Variants in TENM1 observed in about 807,000 individuals in gnomAD.
The protein encoded by TENM1 is teneurin transmembrane protein 1.
Under a neutral mutation model 174.8 loss-of-function variants are expected in TENM1, and 35 were observed. The observed-to-expected ratio is 0.20, with a 90% CI of 0.15 to 0.27. The LOEUF (loss-of-function observed/expected upper bound fraction) is 0.27, where lower values mean the gene tolerates loss of function less well. Among genes scored for constraint, TENM1 ranks in the 10% least tolerant of loss-of-function variants. The pLI, the probability that TENM1 is intolerant of heterozygous loss-of-function variation, is 1.00. For missense variants in TENM1, 1,633 were observed against 2,130.1 expected, an observed-to-expected ratio of 0.77 and a Z score of 4.59; for synonymous variants, 781 against 798.7, an observed-to-expected ratio of 0.98 and a Z score of 0.37.
intron 3 of TENM1, among the ~76,000 whole-genome samples, chrX:124,884,280 G>T (rs1245291840): frequency 1.8e-5 from 2 of 109,436 alleles, no homozygotes; most frequent in Admixed American, 1.9e-4. Context: ...GTACTCCAGG[G>T]ATGTGTAGAG....
At chrX:124,669,950 T>C (rs2051880889) in intron 6 of TENM1, among the ~76,000 whole-genome samples, 1 of 111,617 alleles carries the variant, frequency 9.0e-6, no homozygotes, top group African/African-American at 3.3e-5. Flanking sequence ...TAGTACAGTG[T>C]AGAAGTTAAG....
At chrX:124,406,391 T>C (rs748052890) in exon 26 of TENM1, 12 of 1,207,520 alleles carry the variant, frequency 9.9e-6, no homozygotes, top group African/African-American at 1.8e-5. Context: ...GTTGGAAGTA[T>C]CTAGCTCCAC....
chrX:124,491,252 T>C (rs62605829), intron 20 of TENM1, among the ~76,000 whole-genome samples: 14,794 of 111,316 alleles, frequency 0.13, 1,515 homozygotes, highest in African/African-American at 0.35. Flanking sequence ...GAGATCAATG[T>C]AGAGACAACA....
intron 3 of TENM1, among the ~76,000 whole-genome samples, chrX:124,756,442 C>T (rs1409916521): frequency 9.3e-6 from 1 of 107,810 alleles, no homozygotes; most frequent in Non-Finnish European, 1.9e-5. Flanking sequence ...TGAATTTCCT[C>T]CTGTAGCTCG....
intron 3 of TENM1, among the ~76,000 whole-genome samples, chrX:124,824,667 G>A (rs1040932230): frequency 8.9e-6 from 1 of 111,805 alleles, no homozygotes; most frequent in African/African-American, 3.3e-5. Flanking sequence ...TCATATAGCT[G>A]GTAAAAGGCA....
intron 1 of TENM1, among the ~76,000 whole-genome samples, chrX:124,947,159 C>G (rs963829154): frequency 1.1e-4 from 12 of 111,764 alleles, no homozygotes; most frequent in African/African-American, 2.9e-4. Context: ...GCATACACTT[C>G]GGTCTTGCAC....
chrX:125,112,421 A>G, the TENM1 span, among the ~76,000 whole-genome samples: 1 of 110,999 alleles, frequency 9.0e-6, no homozygotes, highest in Non-Finnish European at 1.9e-5. Flanking sequence ...AACATGTATA[A>G]TATGTATAAC....
intron 1 of TENM1, among the ~76,000 whole-genome samples, chrX:124,904,854 G>T (rs2057720647): frequency 8.9e-6 from 1 of 111,808 alleles, no homozygotes; most frequent in Admixed American, 9.6e-5. Context: ...CTTTAAGCTG[G>T]CTTGAATAGA....
At chrX:124,658,895 A>T (rs1321318464) in intron 6 of TENM1, among the ~76,000 whole-genome samples, 2 of 112,011 alleles carry the variant, frequency 1.8e-5, no homozygotes, top group Non-Finnish European at 3.8e-5. Flanking sequence ...TTTTGAAGCT[A>T]TATCATTTAA....
At chrX:124,770,491 G>A (rs765099365) in intron 3 of TENM1, among the ~76,000 whole-genome samples, 3 of 111,235 alleles carry the variant, frequency 2.7e-5, no homozygotes, top group Non-Finnish European at 3.8e-5. Context: ...CTGCAACTTC[G>A]ACTTCCTGGG....
At chrX:124,971,291 TA>T in the TENM1 span, among the ~76,000 whole-genome samples, 3 of 110,573 alleles carry the variant, frequency 2.7e-5, no homozygotes, top group South Asian at 3.9e-4. Flanking sequence ...ATAATAATAA[TA>T]AAAAAAAGTA....
intron 3 of TENM1, among the ~76,000 whole-genome samples, chrX:124,792,789 G>A (rs148786032): frequency 0.013 from 1,504 of 112,063 alleles, 31 homozygotes; most frequent in African/African-American, 0.045. Context: ...TAAGTATTTC[G>A]AAGTTAAAAA....
At chrX:125,095,328 T>C in the TENM1 span, among the ~76,000 whole-genome samples, 4,752 of 111,760 alleles carry the variant, frequency 0.043, 103 homozygotes, top group Non-Finnish European at 0.065. Context: ...TAATAAGTAG[T>C]TGGGGCTAAA....
chrX:124,531,632 T>C (rs2048108933), intron 15 of TENM1, among the ~76,000 whole-genome samples: 1 of 112,460 alleles, frequency 8.9e-6, no homozygotes, highest in Non-Finnish European at 1.9e-5. Context: ...CAGTGGCTTT[T>C]TTCCAGTGAG....
chrX:125,062,450 G>C, the TENM1 span, among the ~76,000 whole-genome samples: 2 of 111,705 alleles, frequency 1.8e-5, no homozygotes, highest in South Asian at 7.5e-4. Flanking sequence ...ACTCATAAAA[G>C]ATGTGGAGGC....
intron 15 of TENM1, among the ~76,000 whole-genome samples, chrX:124,540,399 T>A (rs756545077): frequency 3.6e-5 from 4 of 112,325 alleles, no homozygotes; most frequent in African/African-American, 1.3e-4. Flanking sequence ...AATACCAATA[T>A]TGTAATAAAA....
intron 5 of TENM1, among the ~76,000 whole-genome samples, chrX:124,692,370 A>T (rs909373653): frequency 3.5e-4 from 39 of 111,303 alleles, no homozygotes; most frequent in African/African-American, 1.2e-3. Context: ...TAATCTGTAT[A>T]TCAAACTCCC....
chrX:125,109,573 T>C, the TENM1 span, among the ~76,000 whole-genome samples: 1 of 110,963 alleles, frequency 9.0e-6, no homozygotes, highest in Admixed American at 9.6e-5. Context: ...GTAATTGGTC[T>C]TTTAAAGAAA....
chrX:124,474,886 A>AC (rs765705429), intron 22 of TENM1, among the ~76,000 whole-genome samples: 3 of 111,936 alleles, frequency 2.7e-5, no homozygotes, highest in South Asian at 3.7e-4. Flanking sequence ...TGAGACAGAA[A>AC]CCCCCCCTAA....
Sources: gnomAD v4.1 joint callset for allele counts (sites outside exome capture counted in the v4.1 genomes callset) on GRCh38, gnomAD v4.1.1 for gene constraint, MANE v1.5 for transcripts, NCBI Gene and HGNC (gene_info 2026-07-23, HGNC 2026-07-21) for gene names.